Variants in DGKH observed in about 807,000 individuals in gnomAD.
DGKH encodes diacylglycerol kinase eta.
In DGKH, 90 loss-of-function variants were observed where a neutral mutation model predicts 159.3. The ratio of observed to expected loss-of-function variants is 0.57; its 90% CI spans 0.48 to 0.67. The LOEUF (loss-of-function observed/expected upper bound fraction) is 0.67. Ranked by LOEUF, DGKH falls within the 30% of genes least tolerant of loss-of-function variation. DGKH has a pLI of 0.00. For missense variants in DGKH, 1,181 were observed against 1,506.1 expected (o/e 0.78, Z 3.57); for synonymous variants, 536 against 553.8 (o/e 0.97, Z 0.45).
intron 11 of DGKH, among the ~76,000 whole-genome samples, chr13:42,171,775 A>G (rs933110789): frequency 2.6e-5 from 4 of 151,630 alleles, no homozygotes; most frequent in African/African-American, 9.7e-5. Context: ...TGCTCAATAT[A>G]GTATATCTGC....
chr13:42,062,542 A>G (rs567591068), intron 1 of DGKH, among the ~76,000 whole-genome samples: 4 of 152,230 alleles, frequency 2.6e-5, no homozygotes, highest in South Asian at 2.1e-4. Context: ...TTTAAGGGGG[A>G]AAAGCTTTTC....
intron 1 of DGKH, among the ~76,000 whole-genome samples, chr13:42,081,198 G>C (rs1310780541): frequency 2.0e-5 from 3 of 151,354 alleles, no homozygotes; most frequent in Non-Finnish European, 4.4e-5. Flanking sequence ...TCTCTATTTA[G>C]GTTGCCATGC....
At chr13:42,173,297 A>G (rs902438448) in intron 11 of DGKH, among the ~76,000 whole-genome samples, 1 of 152,214 alleles carries the variant, frequency 6.6e-6, no homozygotes, top group African/African-American at 2.4e-5. Context: ...TTAGTCTACA[A>G]TAATGTCCTG....
At chr13:42,161,781 CA>C (rs34855614) in intron 7 of DGKH, among the ~76,000 whole-genome samples, 225 of 100,376 alleles carry the variant, frequency 2.2e-3, no homozygotes, top group Middle Eastern at 5.8e-3. Flanking sequence ...CTCTGCCTCT[CA>C]AAAAAAAAAA....
chr13:42,188,737 A>G (rs1956989530), intron 14 of DGKH, among the ~76,000 whole-genome samples: 1 of 152,224 alleles, frequency 6.6e-6, no homozygotes, highest in South Asian at 2.1e-4. Flanking sequence ...GAAATTATAT[A>G]ATAATTGTGC....
intron 16 of DGKH, among the ~76,000 whole-genome samples, chr13:42,193,231 T>C (rs1194245476): frequency 6.6e-6 from 1 of 152,208 alleles, no homozygotes; most frequent in East Asian, 1.9e-4. Context: ...GATTGGTTTG[T>C]CAAAGCTTAT....
At chr13:42,089,323 T>A (rs1392189768) in intron 1 of DGKH, among the ~76,000 whole-genome samples, 1 of 152,184 alleles carries the variant, frequency 6.6e-6, no homozygotes, top group Non-Finnish European at 1.5e-5. Context: ...TCAAATATAT[T>A]TCCTAAGATA....
intron 1 of DGKH, among the ~76,000 whole-genome samples, chr13:42,088,977 T>A (rs2137740903): frequency 1.3e-5 from 2 of 152,246 alleles, no homozygotes; most frequent in South Asian, 4.1e-4. Flanking sequence ...TATATTAATA[T>A]CAGACAAAAT....
intron 3 of DGKH, among the ~76,000 whole-genome samples, chr13:42,142,301 T>C (rs1164314225): frequency 6.6e-6 from 1 of 152,192 alleles, no homozygotes; most frequent in Admixed American, 6.5e-5. Context: ...TACTGTAGCC[T>C]TGTAGTATAG....
At chr13:42,068,426 G>A (rs1407325761) in intron 1 of DGKH, among the ~76,000 whole-genome samples, 3 of 152,106 alleles carry the variant, frequency 2.0e-5, no homozygotes, top group South Asian at 4.1e-4. Flanking sequence ...ATGTTTTGCC[G>A]CATATTTTTG....
At chr13:42,151,505 G>GTGTATACATATAAGTGAAACTACATA (rs1955884905) in intron 3 of DGKH, among the ~76,000 whole-genome samples, 3 of 79,222 alleles carry the variant, frequency 3.8e-5, no homozygotes, top group African/African-American at 1.0e-4. Flanking sequence ...GTGTGTGTGT[G>GTGTATACATATAAGTGAAACTACATA]TATACACATG....
intron 29 of DGKH, among the ~76,000 whole-genome samples, chr13:42,225,760 G>T (rs1958110002): frequency 7.6e-6 from 1 of 132,232 alleles, no homozygotes; most frequent in Non-Finnish European, 1.6e-5. Flanking sequence ...GTGACAGATT[G>T]AGACTCTGTC....
chr13:42,052,876 G>GA (rs1881425046), intron 1 of DGKH, among the ~76,000 whole-genome samples: 1 of 152,112 alleles, frequency 6.6e-6, no homozygotes, highest in African/African-American at 2.4e-5. Flanking sequence ...CTAAGGTTGT[G>GA]AAGCTGCATG....
chr13:42,224,502 CT>C (rs1360274808), intron 29 of DGKH, among the ~76,000 whole-genome samples: 1 of 152,184 alleles, frequency 6.6e-6, no homozygotes, highest in Admixed American at 6.5e-5. Flanking sequence ...GCCACTCTGT[CT>C]TCACAGTCCA....
intron 29 of DGKH, among the ~76,000 whole-genome samples, chr13:42,223,013 T>A (rs1958024476): frequency 1.3e-5 from 2 of 152,234 alleles, no homozygotes; most frequent in African/African-American, 4.8e-5. Context: ...CTGTTTTGTT[T>A]TTATTTTTAA....
In DGKH at chr13:42,240,636, G is replaced by A. The variant is rs1958497442; in HGVS notation, c.*11448G>A. 1 of 152,072 alleles carries A rather than the reference G, an allele frequency of 6.6e-6. No homozygotes were observed. The highest frequency in any genetic ancestry group is 2.1e-4 in the South Asian group (1 of 4,828). The allele number at this position is 152,072 out of a possible 1,614,324, so 9.4% of individuals were successfully genotyped here. A position where few individuals can be genotyped will look rare whatever the true frequency, so the allele number is the denominator to read the frequency against. ...AGTTTGTGTGATTTCAGGTTATTTAGAGTTATTAATGTAAACATAAGAAGG... is the reference window on the plus strand; with the variant it reads ...AGTTTGTGTGATTTCAGGTTATTTAAAGTTATTAATGTAAACATAAGAAGG... On this transcript the variant is annotated 3_prime_UTR_variant, in exon 30 of 30. Coordinates refer to ENST00000337343, the MANE Select transcript of DGKH (RefSeq NM_178009.5).
intron 3 of DGKH, among the ~76,000 whole-genome samples, chr13:42,131,129 G>T (rs555854678): frequency 1.6e-4 from 25 of 152,264 alleles, no homozygotes; most frequent in African/African-American, 5.3e-4. Flanking sequence ...GCATTAGGCT[G>T]TACTGTGAAT....
Position 42,159,263 on chromosome 13 carries a change from T to TTTTTTTTTTTTTTTAA in DGKH, c.623-3_623-2insTTTTTTTTTTTTTTAA. The TTTTTTTTTTTTTTTAA allele has an allele frequency of 8.0e-7, 1 of 1,249,720 alleles. No individual in the cohort carries two copies. The highest frequency in any genetic ancestry group is 1.1e-6 in the Non-Finnish European group (1 of 894,574). The allele number at this position is 1,249,720 out of a possible 1,614,324, so 77.4% of individuals were successfully genotyped here. A position where few individuals can be genotyped will look rare whatever the true frequency, so the allele number is the denominator to read the frequency against. On this transcript the variant is annotated splice_polypyrimidine_tract_variant and splice_region_variant and intron_variant, in intron 5 of 29. Transcript: ENST00000337343. Reference sequence around the variant, plus strand: ...GTTGCTCTTTTTTTTTTTTTTTTTTTAGTGTGTAAATTCAAGGCTCACAAA... The same window carrying TTTTTTTTTTTTTTTAA: ...GTTGCTCTTTTTTTTTTTTTTTTTTTTTTTTTTTTTTTTTAAAGTGTGTAAATTCAAGGCTCACAAA...
rs539463496 is a variant in DGKH at position 42,073,068 on chromosome 13, C to T, written c.192+24103C>T. 4.6e-5 allele frequency among the ~76,000 whole-genome samples: 7 copies of T among 152,246 alleles called. No individual in the cohort carries two copies. In the East Asian group the frequency reaches 5.8e-4, roughly 13 times the overall value. On this transcript the variant is annotated intron_variant, in intron 1 of 29. Transcript: ENST00000337343. Reference sequence around the variant, plus strand: ...GCCTGTTACATAGTCATTGCTTAAACGATATTTGTTGAATGAAAAAGGGAA... The same window carrying T: ...GCCTGTTACATAGTCATTGCTTAAATGATATTTGTTGAATGAAAAAGGGAA...
Sources: gnomAD v4.1 joint callset for allele counts (sites outside exome capture counted in the v4.1 genomes callset) on GRCh38, gnomAD v4.1.1 for gene constraint, MANE v1.5 for transcripts, NCBI Gene and HGNC (gene_info 2026-07-23, HGNC 2026-07-21) for gene names.